The following CDH13 variants were observed in gnomAD, a reference collection of about 807,000 sequenced individuals.
The protein encoded by CDH13 is cadherin-13.
A neutral mutation model predicts 63.8 loss-of-function variants in CDH13; 24 were observed. The ratio of observed to expected loss-of-function variants is 0.38; its 90% CI spans 0.27 to 0.53. CDH13 has a LOEUF of 0.53. Among genes scored for constraint, CDH13 ranks in the 20% least tolerant of loss-of-function variants. The pLI is 0.85. For synonymous variants in CDH13, 503 were observed against 355.3 expected (o/e 1.42, Z -4.67); for missense variants, 1,049 against 903.1 (o/e 1.16, Z -2.07).
At chr16:83,238,927 T>C (rs1904290245) in intron 5 of CDH13, among the ~76,000 whole-genome samples, 1 of 152,186 alleles carries the variant, frequency 6.6e-6, no homozygotes, top group East Asian at 1.9e-4. Context: ...ACCTTTGGGC[T>C]AAGAGCAGAG....
chr16:82,787,803 G>C (rs138648187), intron 1 of CDH13, among the ~76,000 whole-genome samples: 10 of 126,822 alleles, frequency 7.9e-5, no homozygotes, highest in Non-Finnish European at 1.7e-4. Context: ...GAATTAAGTT[G>C]TATTCCACGG....
At chr16:82,942,385 G>A (rs191620640) in intron 2 of CDH13, among the ~76,000 whole-genome samples, 17 of 152,306 alleles carry the variant, frequency 1.1e-4, no homozygotes, top group Middle Eastern at 3.4e-3. Context: ...GCCAATATGA[G>A]GGTGGTAAAT....
intron 10 of CDH13, among the ~76,000 whole-genome samples, chr16:83,697,022 C>G (rs1905499876): frequency 6.6e-6 from 1 of 152,200 alleles, no homozygotes; most frequent in African/African-American, 2.4e-5. Flanking sequence ...GCCTTTCTTC[C>G]TCAAACTTCT....
chr16:83,447,771 A>C lies in CDH13; in HGVS notation c.782-38706A>C, dbSNP rs1272194264. 1.1e-3 allele frequency among the ~76,000 whole-genome samples: 168 copies of C among 149,208 alleles called. 2 individuals are homozygous for C. The highest frequency in any genetic ancestry group is 4.3e-4 in the Non-Finnish European group (29 of 67,478). ...TTTATATTATATATATTAAATATTG[A>C]TTTATTTTTTATAATTTATAATGAT... On this transcript the variant is annotated intron_variant, in intron 6 of 13. Transcript: ENST00000567109.
intron 6 of CDH13, among the ~76,000 whole-genome samples, chr16:83,400,877 C>G (rs1388911611): frequency 6.6e-6 from 1 of 152,236 alleles, no homozygotes; most frequent in Non-Finnish European, 1.5e-5. Flanking sequence ...GTAAGCCAGT[C>G]TGTTAGTATC....
intron 1 of CDH13, among the ~76,000 whole-genome samples, chr16:82,685,336 A>C (rs1280910902): frequency 6.6e-6 from 1 of 152,206 alleles, no homozygotes; most frequent in Non-Finnish European, 1.5e-5. Context: ...CTCACTTGGC[A>C]GAATGGATGA....
intron 2 of CDH13, among the ~76,000 whole-genome samples, chr16:82,869,765 C>T (rs1259528343): frequency 2.6e-5 from 4 of 152,160 alleles, no homozygotes; most frequent in East Asian, 3.9e-4. Context: ...GCTGGGAAAA[C>T]TGGATATCCA....
At chr16:83,448,013 T>A (rs2072762706) in intron 6 of CDH13, among the ~76,000 whole-genome samples, 1 of 152,142 alleles carries the variant, frequency 6.6e-6, no homozygotes, top group Non-Finnish European at 1.5e-5. Context: ...AATAGGAACT[T>A]GCCTGGAGCA....
At chr16:83,104,742 C>A (rs1330075255) in intron 3 of CDH13, among the ~76,000 whole-genome samples, 6 of 152,066 alleles carry the variant, frequency 3.9e-5, no homozygotes, top group Non-Finnish European at 7.4e-5. Flanking sequence ...ACAAAGGGGG[C>A]AATTGACTTT....
intron 11 of CDH13, among the ~76,000 whole-genome samples, chr16:83,766,453 G>A (rs1914393823): frequency 6.6e-6 from 1 of 152,076 alleles, no homozygotes; most frequent in South Asian, 2.1e-4. Context: ...CTTATTATAT[G>A]GGCTTCCTGT....
chr16:82,657,341 CT>C lies in CDH13; in HGVS notation c.45+30206del, dbSNP rs1021953265. Among the ~76,000 whole-genome samples, 13 of 152,286 alleles carry C rather than the reference CT, an allele frequency of 8.5e-5. 1 individual carries two copies. The highest frequency in any genetic ancestry group is 2.1e-4 in the South Asian group (1 of 4,824). Reference sequence around the variant, plus strand: ...CAAAATCTGTTGTAGCGCACTCACCCTTCTCTTTTAATCTGTCAGTCTGATA... The same window carrying C: ...CAAAATCTGTTGTAGCGCACTCACCCTCTCTTTTAATCTGTCAGTCTGATA... On this transcript the variant is annotated intron_variant, in intron 1 of 13. Transcript: ENST00000567109.
chr16:83,256,396 A>G (rs1906263227), intron 5 of CDH13, among the ~76,000 whole-genome samples: 1 of 152,158 alleles, frequency 6.6e-6, no homozygotes, highest in Admixed American at 6.5e-5. Flanking sequence ...GATCGTCAGG[A>G]CCCAACCTTG....
intron 5 of CDH13, among the ~76,000 whole-genome samples, chr16:83,331,976 GAA>G (rs2090491328): frequency 6.6e-6 from 1 of 152,064 alleles, no homozygotes; most frequent in South Asian, 2.1e-4. Flanking sequence ...TTCTACAAGT[GAA>G]ATTTTCAAAG....
chr16:82,843,301 C>A (rs1167508811), intron 1 of CDH13, among the ~76,000 whole-genome samples: 2 of 152,102 alleles, frequency 1.3e-5, no homozygotes, highest in Non-Finnish European at 2.9e-5. Flanking sequence ...TGCATGAGTC[C>A]TTCAGAATAC....
At chr16:82,857,685 G>T (rs927358167) in intron 1 of CDH13, among the ~76,000 whole-genome samples, 3 of 152,124 alleles carry the variant, frequency 2.0e-5, no homozygotes, top group Non-Finnish European at 4.4e-5. Flanking sequence ...TAAGAAACTG[G>T]TGAAATTAAT....
intron 6 of CDH13, among the ~76,000 whole-genome samples, chr16:83,407,440 G>T (rs747637956): frequency 6.6e-6 from 1 of 152,146 alleles, no homozygotes; most frequent in Non-Finnish European, 1.5e-5. Flanking sequence ...AAATGTCCAG[G>T]CTGCTAAAGC....
In CDH13 at chr16:82,783,506, G is replaced by C. The variant is rs1371488380; in HGVS notation, c.46-74856G>C. Reference sequence around the variant, plus strand: ...AGAGAGGTGAGCCCCAGGAGGTGGGGTCCCAGTCCTGAGATTAGTGACAGC... The same window carrying C: ...AGAGAGGTGAGCCCCAGGAGGTGGGCTCCCAGTCCTGAGATTAGTGACAGC... On this transcript the variant is annotated intron_variant, in intron 1 of 13. Coordinates refer to ENST00000567109, the MANE Select transcript of CDH13 (RefSeq NM_001257.5). Among the ~76,000 whole-genome samples the C allele has an allele frequency of 2.6e-5, 4 of 152,230 alleles. No homozygotes were observed. The East Asian group carries it at 7.7e-4, about 29-fold the overall frequency.
At chr16:83,228,053 G>A (rs1005575158) in intron 5 of CDH13, among the ~76,000 whole-genome samples, 15 of 152,148 alleles carry the variant, frequency 9.9e-5, no homozygotes, top group African/African-American at 3.4e-4. Context: ...GTCCAGGAAG[G>A]CCCTCCTGGG....
chr16:82,746,303 A>G (rs1207257172), intron 1 of CDH13, among the ~76,000 whole-genome samples: 2 of 130,216 alleles, frequency 1.5e-5, no homozygotes, highest in African/African-American at 5.4e-5. Context: ...ATGTATATAT[A>G]CATATTTTAA....
Sources: allele counts gnomAD v4.1 joint callset (sites outside exome capture counted in the v4.1 genomes callset), GRCh38; gene constraint gnomAD v4.1.1; transcripts MANE v1.5; gene names NCBI Gene and HGNC (gene_info 2026-07-23, HGNC 2026-07-21).